Variants in EXOC1L observed in about 807,000 individuals in gnomAD.
EXOC1L encodes the protein exocyst complex component 1 like.
Under a neutral mutation model 4.9 loss-of-function variants are expected in EXOC1L, and 10 were observed. The observed-to-expected ratio is 2.02, with a 90% CI of 1.25 to 3.43. The LOEUF is 3.43. Among genes scored for constraint, EXOC1L ranks in the 30% most tolerant of loss-of-function variants. The pLI is 0.00. For synonymous variants in EXOC1L, 41 were observed against 20.8 expected (o/e 1.97, Z -2.63); for missense variants, 114 against 59.4 (o/e 1.92, Z -3.02).
intron 2 of EXOC1L, among the ~76,000 whole-genome samples, chr4:55,832,515 C>T (rs1197546631): frequency 6.6e-6 from 1 of 151,946 alleles, no homozygotes; most frequent in East Asian, 1.9e-4. Context: ...GTATGTACCT[C>T]TAGATCATTG....
At chr4:55,836,207 AG>A (rs1720156535) in intron 2 of EXOC1L, among the ~76,000 whole-genome samples, 1 of 151,900 alleles carries the variant, frequency 6.6e-6, no homozygotes, top group African/African-American at 2.4e-5. Flanking sequence ...TTTGTTATTT[AG>A]GGCAATGTTT....
In EXOC1L at chr4:55,820,982, G is replaced by A. The variant is rs919760786; in HGVS notation, c.121+835G>A. ...CCATGCCTTTTAATACTTTTCAGGC[G>A]TTTAGGAGAAAAGAGCTTAGAAACT... is the stretch of plus-strand genomic sequence containing the variant. On this transcript the variant is annotated intron_variant, in intron 1 of 2. Coordinates refer to ENST00000636125, the MANE Select transcript of EXOC1L (RefSeq NM_001351574.3). Among the ~76,000 whole-genome samples, 66 of 152,200 alleles carry A rather than the reference G, an allele frequency of 4.3e-4. 1 individual carries two copies. Among genetic ancestry groups the A allele is most frequent in the Admixed American group, 2.6e-3 (40 of 15,288 alleles).
intron 1 of EXOC1L, among the ~76,000 whole-genome samples, chr4:55,822,824 A>G (rs58144170): frequency 0.035 from 5,401 of 152,220 alleles, 320 homozygotes; most frequent in African/African-American, 0.12. Flanking sequence ...ATAAAACCAA[A>G]TGTGATACAC....
intron 1 of EXOC1L, among the ~76,000 whole-genome samples, chr4:55,828,041 T>C (rs1356820789): frequency 6.6e-6 from 1 of 152,140 alleles, no homozygotes; most frequent in Non-Finnish European, 1.5e-5. Flanking sequence ...TGACCCCAAG[T>C]TAAGATCTTC....
At chr4:55,827,764 G>A (rs1719922410) in intron 1 of EXOC1L, among the ~76,000 whole-genome samples, 1 of 152,164 alleles carries the variant, frequency 6.6e-6, no homozygotes, top group Non-Finnish European at 1.5e-5. Flanking sequence ...TGGTTCTGGG[G>A]TACAGCTTCT....
At chr4:55,829,443 G>A (rs1045416368) in intron 1 of EXOC1L, among the ~76,000 whole-genome samples, 1 of 152,126 alleles carries the variant, frequency 6.6e-6, no homozygotes, top group Non-Finnish European at 1.5e-5. Context: ...TCATTAAGCT[G>A]CATTGCATTT....
chr4:55,831,744 GC>G (rs1664553568), intron 2 of EXOC1L, among the ~76,000 whole-genome samples: 1 of 151,930 alleles, frequency 6.6e-6, no homozygotes, highest in Admixed American at 6.6e-5. Context: ...AAATTTAAAT[GC>G]CACTTTTCCA....
intron 2 of EXOC1L, 86 bp downstream of exon 2, chr4:55,831,550 T>C: frequency 1.8e-6 from 1 of 566,086 alleles, no homozygotes; most frequent in South Asian, 2.4e-5. Flanking sequence ...ATTCTTGGCA[T>C]GTACTAAGTG....
At chr4:55,821,286 TC>T (rs1486630084) in intron 1 of EXOC1L, among the ~76,000 whole-genome samples, 3 of 152,136 alleles carry the variant, frequency 2.0e-5, no homozygotes, top group African/African-American at 7.2e-5. Context: ...TAGAGGGTAT[TC>T]TAGCGACATA....
intron 2 of EXOC1L, among the ~76,000 whole-genome samples, chr4:55,832,638 T>A (rs1281000997): frequency 4.6e-5 from 7 of 152,022 alleles, no homozygotes; most frequent in Non-Finnish European, 8.8e-5. Flanking sequence ...TATTTTTACA[T>A]AATCACCATA....
At chr4:55,825,153 T>C (rs1719848770) in intron 1 of EXOC1L, among the ~76,000 whole-genome samples, 1 of 152,220 alleles carries the variant, frequency 6.6e-6, no homozygotes, top group South Asian at 2.1e-4. Flanking sequence ...TTATATGCTT[T>C]ATTCCTTTTA....
rs768373320 is a variant in EXOC1L, at chr4:55,820,054, G to A, written c.28G>A (p.Glu10Lys). 2.5e-6 allele frequency: 1 copy of A among 399,034 alleles called. No individual in the cohort carries two copies. The highest frequency in any genetic ancestry group is 4.4e-5 in the Admixed American group (1 of 22,714). The allele number at this position is 399,034 out of a possible 1,614,324, so 24.7% of individuals were successfully genotyped here. MSSLVKEDL[E>K]KKLFKPLSQN... Reference sequence around the variant, plus strand: ...GTCATCATTGGTAAAGGAGGACTTGGAGAAGAAACTGTTTAAGCCACTCTC... The same window carrying A: ...GTCATCATTGGTAAAGGAGGACTTGAAGAAGAAACTGTTTAAGCCACTCTC... The change falls in exon 1 of 3, where the codon GAG becomes AAG. Residue 10 changes from glutamate (E) to lysine (K), a missense_variant. Glu to Lys is a moderately conservative substitution (Grantham distance 56). Transcript: ENST00000636125.
intron 1 of EXOC1L, among the ~76,000 whole-genome samples, chr4:55,826,085 C>CAAAAAAAA (rs34455273): frequency 1.3e-5 from 1 of 78,636 alleles, no homozygotes. Context: ...AACTCCATCT[C>CAAAAAAAA]AAAAAAAAAA....
At chr4:55,833,935 T>C (rs934637511) in intron 2 of EXOC1L, among the ~76,000 whole-genome samples, 1 of 151,912 alleles carries the variant, frequency 6.6e-6, no homozygotes, top group African/African-American at 2.4e-5. Flanking sequence ...AAAACCATAA[T>C]ATCTAAAGAG....
chr4:55,825,993 G>A (rs1451532239), intron 1 of EXOC1L, among the ~76,000 whole-genome samples: 1 of 150,310 alleles, frequency 6.7e-6, no homozygotes, highest in Non-Finnish European at 1.5e-5. Flanking sequence ...GCTGAGGCAG[G>A]AGAATCGCTT....
At chr4:55,821,295 A>T (rs563701306) in intron 1 of EXOC1L, among the ~76,000 whole-genome samples, 1 of 152,280 alleles carries the variant, frequency 6.6e-6, no homozygotes, top group South Asian at 2.1e-4. Context: ...TTCTAGCGAC[A>T]TAAAAAAATT....
intron 1 of EXOC1L, among the ~76,000 whole-genome samples, chr4:55,823,296 G>C (rs1719792520): frequency 6.6e-6 from 1 of 152,022 alleles, no homozygotes; most frequent in Admixed American, 6.6e-5. Flanking sequence ...ATGAGAAAAG[G>C]AGGTTGCTAA....
At chr4:55,825,312 C>T (rs942291247) in intron 1 of EXOC1L, among the ~76,000 whole-genome samples, 1 of 152,166 alleles carries the variant, frequency 6.6e-6, no homozygotes, top group East Asian at 1.9e-4. Flanking sequence ...TACCATATTG[C>T]TTCTAACCAG....
intron 2 of EXOC1L, among the ~76,000 whole-genome samples, chr4:55,835,995 A>G (rs1022134293): frequency 6.6e-6 from 1 of 151,936 alleles, no homozygotes; most frequent in Non-Finnish European, 1.5e-5. Context: ...GAGAAAAATG[A>G]GAGTCAGATC....
Sources: gnomAD v4.1 joint callset for allele counts (sites outside exome capture counted in the v4.1 genomes callset) on GRCh38, gnomAD v4.1.1 for gene constraint, MANE v1.5 for transcripts, NCBI Gene and HGNC (gene_info 2026-07-23, HGNC 2026-07-21) for gene names.